Variants in ARMC9 observed in about 807,000 individuals in gnomAD.
ARMC9 encodes the protein armadillo repeat containing 9.
In ARMC9, 94 loss-of-function variants were observed where a neutral mutation model predicts 107.0. The ratio of observed to expected loss-of-function variants is 0.88; its 90% CI spans 0.74 to 1.04. ARMC9 has a LOEUF of 1.04. ARMC9 is among the 50% of genes least tolerant of loss of function. ARMC9 has a pLI of 0.00. For missense variants in ARMC9, 942 were observed against 1,030.1 expected (o/e 0.91, Z 1.17); for synonymous variants, 380 against 396.9 (o/e 0.96, Z 0.51).
chr2:231,289,864 C>G (rs2040868592), intron 17 of ARMC9, among the ~76,000 whole-genome samples: 1 of 152,218 alleles, frequency 6.6e-6, no homozygotes, highest in Non-Finnish European at 1.5e-5. Context: ...TCTTCTCTCA[C>G]TGCCATCACT....
At position 231,267,820 on chromosome 2, in the gene ARMC9, A is replaced by G. The variant is rs139209794; in HGVS notation, c.1120-3162A>G. Among the ~76,000 whole-genome samples, 19 of 152,326 alleles carry G rather than the reference A, an allele frequency of 1.2e-4. No homozygotes were observed. The East Asian group carries it at 3.1e-3, about 25-fold the overall frequency. On this transcript the variant is annotated intron_variant, in intron 12 of 24. Coordinates refer to ENST00000611582, the MANE Select transcript of ARMC9 (RefSeq NM_001352754.2). Reference sequence around the variant, plus strand: ...TCGTGCACTACTTTGGAACACGGGCAGCGTTTACTAAAACTGAATACCTTA... The same window carrying G: ...TCGTGCACTACTTTGGAACACGGGCGGCGTTTACTAAAACTGAATACCTTA...
At chr2:231,313,171 A>G (rs781009362) in intron 19 of ARMC9, among the ~76,000 whole-genome samples, 14 of 152,178 alleles carry the variant, frequency 9.2e-5, no homozygotes, top group Admixed American at 4.6e-4. Context: ...CTTTAAGCAT[A>G]TATGTTTGTA....
At chr2:231,215,141 G>A in intron 4 of ARMC9, 140 bp downstream of exon 4, 5 of 885,652 alleles carry the variant, frequency 5.6e-6, no homozygotes, top group Non-Finnish European at 8.2e-6. Context: ...CTCTCTCCTG[G>A]TGAGTGATTT....
intron 5 of ARMC9, among the ~76,000 whole-genome samples, chr2:231,217,987 CTTGT>C (rs139337150): frequency 0.29 from 43,905 of 151,826 alleles, 6,725 homozygotes; most frequent in African/African-American, 0.38. Context: ...GCCACCGCGC[CTTGT>C]TTGTTTGTTT....
Position 231,252,783 on chromosome 2 carries a change from C to T in ARMC9, c.880-3803C>T, listed in dbSNP as rs553135864. Among the ~76,000 whole-genome samples, 69 of 151,586 alleles carry T rather than the reference C, an allele frequency of 4.6e-4. No individual in the cohort carries two copies. The East Asian group carries it at 5.1e-3, about 11-fold the overall frequency. On this transcript the variant is annotated intron_variant, in intron 9 of 24. Transcript: ENST00000611582. ...TCTTGAGTAGCTGGGACCACAGGCA[C>T]GTGCCATCACAACCCCCTAATTTTT...
At chr2:231,237,753 G>GTATGTA (rs1553601876) in intron 8 of ARMC9, among the ~76,000 whole-genome samples, 6 of 24,428 alleles carry the variant, frequency 2.5e-4, no homozygotes, top group Non-Finnish European at 4.6e-4. Flanking sequence ...TTGGCTATAT[G>GTATGTA]TATATATATA....
At chr2:231,359,959 G>A (rs1575181137) in intron 22 of ARMC9, among the ~76,000 whole-genome samples, 1 of 152,190 alleles carries the variant, frequency 6.6e-6, no homozygotes, top group South Asian at 2.1e-4. Flanking sequence ...TAAAATGAAA[G>A]AGCTGAGAGG....
At chr2:231,258,343 G>A (rs570408319) in intron 10 of ARMC9, among the ~76,000 whole-genome samples, 4 of 152,082 alleles carry the variant, frequency 2.6e-5, no homozygotes, top group Admixed American at 6.6e-5. Flanking sequence ...CACTATGCCC[G>A]GCTAATTTTG....
rs1208316524 is a variant in ARMC9, at chr2:231,372,748, G to GTA, written c.*1214_*1215insAT. The stretch of plus-strand genomic sequence containing the variant: ...TGTGTGTGTGTGTGTGTGTGTGTGT[G>GTA]TGTGTGTATGAGTGTATGAAGGGAA... On this transcript the variant is annotated 3_prime_UTR_variant, in exon 25 of 25. Transcript: ENST00000611582. 4 of 93,724 alleles carry GTA rather than the reference G, an allele frequency of 4.3e-5. No homozygotes were observed. The allele number at this position is 93,724 out of a possible 1,614,324, so 5.8% of individuals were successfully genotyped here.
At chr2:231,323,132 T>A (rs1243099012) in intron 19 of ARMC9, among the ~76,000 whole-genome samples, 1 of 151,990 alleles carries the variant, frequency 6.6e-6, no homozygotes, top group Non-Finnish European at 1.5e-5. Context: ...GAGGCTATAG[T>A]GAGCTGTGAT....
intron 16 of ARMC9, among the ~76,000 whole-genome samples, chr2:231,281,746 C>T (rs573553755): frequency 6.6e-6 from 1 of 152,226 alleles, no homozygotes; most frequent in African/African-American, 2.4e-5. Flanking sequence ...ACAAAATCAA[C>T]GATGACTCCA....
intron 5 of ARMC9, among the ~76,000 whole-genome samples, chr2:231,221,830 CA>C (rs61031104): frequency 1.1e-3 from 79 of 74,074 alleles, no homozygotes; most frequent in Admixed American, 2.7e-3. Context: ...GACTCTGTCT[CA>C]AAAAAAAAAA....
intron 21 of ARMC9, 73 bp from the exon 22 acceptor site, chr2:231,355,725 C>T (rs2125590713): frequency 1.4e-6 from 2 of 1,442,744 alleles, no homozygotes; most frequent in Non-Finnish European, 1.8e-6. Flanking sequence ...ATTTGTGATG[C>T]TGCAGTCGGC....
intron 14 of ARMC9, 99 bp from the exon 15 acceptor site, chr2:231,276,537 T>C (rs967517400): frequency 1.2e-4 from 176 of 1,530,186 alleles, no homozygotes; most frequent in Non-Finnish European, 1.5e-4. Flanking sequence ...CCCAAAGTGC[T>C]GGGATTACAG....
chr2:231,353,724 G>T (rs2045204411), intron 21 of ARMC9, among the ~76,000 whole-genome samples: 1 of 151,642 alleles, frequency 6.6e-6, no homozygotes, highest in African/African-American at 2.4e-5. Flanking sequence ...CACCTTCCAC[G>T]ACTGTGGATG....
intron 19 of ARMC9, among the ~76,000 whole-genome samples, chr2:231,323,442 T>G (rs2043114373): frequency 6.6e-6 from 1 of 152,226 alleles, no homozygotes; most frequent in Non-Finnish European, 1.5e-5. Context: ...GGTAGTGGGC[T>G]CCTCTGCCTG....
intron 2 of ARMC9, among the ~76,000 whole-genome samples, chr2:231,207,633 G>C (rs143587216): frequency 6.6e-6 from 1 of 152,076 alleles, no homozygotes; most frequent in Admixed American, 6.6e-5. Context: ...GCGCCACTGC[G>C]CCTGGCTAAT....
chr2:231,216,784 A>G lies in ARMC9; in HGVS notation c.495A>G (p.Glu165=), dbSNP rs761213261. 1.5e-5 allele frequency: 24 copies of G among 1,610,630 alleles called. No homozygotes were observed. The highest frequency in any genetic ancestry group is 2.0e-5 in the Non-Finnish European group (24 of 1,179,030). ...PNPMVHPSFK[E]LFQDSWTPEL... is the part of the protein sequence containing the mutation. ...CTATGGTGCACCCCTCATTTAAAGA[A>G]CTCTTCCAGGTAAATGTCAGCTTTT... is the stretch of plus-strand genomic sequence containing the variant. Residue 165 remains glutamate, a synonymous_variant, in exon 5 of 25, where the codon GAA becomes GAG. Transcript: ENST00000611582.
In ARMC9 at chr2:231,360,364, C is replaced by A. The variant is rs2045518506; in HGVS notation, c.2132-390C>A. On this transcript the variant is annotated intron_variant, in intron 22 of 24. Coordinates refer to ENST00000611582, the MANE Select transcript of ARMC9 (RefSeq NM_001352754.2). The surrounding 1 kb of genome is among the most constrained non-coding windows in gnomAD (Gnocchi z 4.7). The stretch of plus-strand genomic sequence containing the variant: ...TTGTTGGTTTTAGCAAATAAAACTA[C>A]ACACCACCCAGTTACATTTGAGTTT... 6.6e-6 allele frequency among the ~76,000 whole-genome samples: 1 copy of A among 152,202 alleles called. No homozygotes were observed. The highest frequency in any genetic ancestry group is 6.5e-5 in the Admixed American group (1 of 15,282).
Sources: allele counts gnomAD v4.1 joint callset (sites outside exome capture counted in the v4.1 genomes callset), GRCh38; gene constraint gnomAD v4.1.1; non-coding constraint Gnocchi (gnomAD v3.1); transcripts MANE v1.5; gene names NCBI Gene and HGNC (gene_info 2026-07-23, HGNC 2026-07-21).